Variants in PHRF1 observed in about 807,000 individuals in gnomAD.
PHRF1 encodes PHD and ring finger domains 1.
A neutral mutation model predicts 128.9 loss-of-function variants in PHRF1; 53 were observed. The ratio of observed to expected loss-of-function variants is 0.41; its 90% CI spans 0.33 to 0.52. PHRF1 has a LOEUF of 0.52. PHRF1 is among the 20% of genes least tolerant of loss of function. The pLI, the probability that PHRF1 is intolerant of heterozygous loss-of-function variation, is 0.21. For synonymous variants in PHRF1, 1,178 were observed against 980.6 expected (o/e 1.20, Z -3.76); for missense variants, 2,503 against 2,284.5 (o/e 1.10, Z -1.95).
rs370766202 is a variant in PHRF1, at chr11:608,802, T to C, written c.3346T>C (p.Ser1116Pro). The C allele has an allele frequency of 1.8e-5, 29 of 1,611,562 alleles. No homozygotes were observed. The highest frequency in any genetic ancestry group is 2.3e-5 in the Non-Finnish European group (27 of 1,179,708). Residue 1116 changes from serine to proline, a missense_variant, in exon 14 of 18, where the codon TCC becomes CCC. By Grantham distance (74) the Ser-to-Pro change is moderately conservative. Coordinates refer to ENST00000264555, the MANE Select transcript of PHRF1 (RefSeq NM_001286581.2). ...GAAGAAGAAGAAAAGGAGATCAGCG[T>C]CCAGACCTCGGGGAAGGGAGTGCTC... ...SRKKKKRRSASRPRGRECSPT... is the reference protein window; with the variant it reads ...SRKKKKRRSAPRPRGRECSPT...
At position 597,556 on chromosome 11, in the gene PHRF1, G is replaced by A. The variant is rs1438193715; in HGVS notation, c.880G>A (p.Ala294Thr). 7.4e-6 allele frequency: 12 copies of A among 1,611,348 alleles called. No individual in the cohort carries two copies. Among genetic ancestry groups the A allele is most frequent in the Non-Finnish European group, 1.0e-5 (12 of 1,179,250 alleles). ...CGTGAACCGGAACCGGATCTCCACGGCCAGGAGGGTCCAGGTGGGTGGCCC... is the reference window on the plus strand; with the variant it reads ...CGTGAACCGGAACCGGATCTCCACGACCAGGAGGGTCCAGGTGGGTGGCCC... ...ATVNRNRIST[A>T]RRVQHTPGRL... Residue 294 changes from alanine (A) to threonine (T), a missense_variant, in exon 8 of 18, where the codon GCC becomes ACC. Ala to Thr is a moderately conservative substitution (Grantham distance 58). Transcript: ENST00000264555. The surrounding 1 kb of genome is among the most constrained non-coding windows in gnomAD (Gnocchi z 6.5).
intron 3 of PHRF1, among the ~76,000 whole-genome samples, chr11:584,001 C>G (rs531709180): frequency 6.6e-6 from 1 of 152,372 alleles, no homozygotes; most frequent in Non-Finnish European, 1.5e-5. Flanking sequence ...AGCAGTCTTT[C>G]TGCATAGCCC....
At chr11:611,106 G>A (rs1007573123) in intron 17 of PHRF1, 24 bp downstream of exon 17, 1 of 1,611,732 alleles carries the variant, frequency 6.2e-7, no homozygotes, top group Non-Finnish European at 8.5e-7. Flanking sequence ...GAGCCTGTGT[G>A]TGGGGCTCGG....
rs765873925 is a variant in PHRF1, at chr11:606,490, A to G, written c.1503A>G (p.Pro501=). Residue 501 remains proline (P), a synonymous_variant, in exon 13 of 18, where the codon CCA becomes CCG. Transcript: ENST00000264555. The stretch of plus-strand genomic sequence containing the variant: ...CAGAGCCAGACTTGGAGGAGGAGCC[A>G]GTGCCTGACCTGCTGGGCAGCATCC... ...AVPEPDLEEE[P]VPDLLGSILS... 5 of 1,599,730 alleles carry G rather than the reference A, an allele frequency of 3.1e-6. No individual in the cohort carries two copies. The highest frequency in any genetic ancestry group is 1.1e-5 in the South Asian group (1 of 88,964).
In PHRF1 at chr11:611,854, G is replaced by T. The variant is rs1397053001; in HGVS notation, c.*77G>T. ...CGGGGCCATGCCCGGGGAGCTGTCG[G>T]GAGTGGCGGGAATCGGGGCCATGCC... is the stretch of plus-strand genomic sequence containing the variant. On this transcript the variant is annotated 3_prime_UTR_variant, in exon 18 of 18. Coordinates refer to ENST00000264555, the MANE Select transcript of PHRF1 (RefSeq NM_001286581.2). The T allele has an allele frequency of 6.6e-7, 1 of 1,511,224 alleles. No individual in the cohort carries two copies. Among genetic ancestry groups the T allele is most frequent in the African/African-American group, 1.4e-5 (1 of 71,930 alleles). 93.6% of individuals were successfully genotyped at this position (1,511,224 alleles called of 1,614,324 possible). A position where few individuals can be genotyped will look rare whatever the true frequency, so the allele number is the denominator to read the frequency against.
chr11:581,800 A>G (rs945671949), intron 2 of PHRF1, among the ~76,000 whole-genome samples, 162 bp from the exon 3 acceptor site: 1 of 152,266 alleles, frequency 6.6e-6, no homozygotes, highest in African/African-American at 2.4e-5. Context: ...GAACGAAAGG[A>G]TGTTCCCTTT....
At chr11:602,205 TC>T (rs1379861418) in intron 10 of PHRF1, among the ~76,000 whole-genome samples, 1 of 152,228 alleles carries the variant, frequency 6.6e-6, no homozygotes, top group Non-Finnish European at 1.5e-5. Context: ...CTAGGCCCTT[TC>T]CATCCAAAAT....
chr11:604,792 G>A (rs1855845192), intron 10 of PHRF1, among the ~76,000 whole-genome samples: 1 of 152,220 alleles, frequency 6.6e-6, no homozygotes, highest in Non-Finnish European at 1.5e-5. Flanking sequence ...GATTACAGAT[G>A]TGAGCCATCA....
chr11:586,511 G>A (rs1269543857), intron 3 of PHRF1, among the ~76,000 whole-genome samples: 1 of 152,194 alleles, frequency 6.6e-6, no homozygotes, highest in African/African-American at 2.4e-5. Context: ...GGAGGGTTTC[G>A]GGCCTAGGAG....
intron 9 of PHRF1, 52 bp downstream of exon 9, chr11:598,554 C>T (rs369595775): frequency 1.3e-6 from 2 of 1,561,562 alleles, no homozygotes; most frequent in South Asian, 1.2e-5. Context: ...GGACCCACGC[C>T]CGAGGTCCAC....
At chr11:577,589 T>C (rs1026955573) in intron 1 of PHRF1, among the ~76,000 whole-genome samples, 4 of 152,256 alleles carry the variant, frequency 2.6e-5, no homozygotes, top group Non-Finnish European at 5.9e-5. Context: ...CAGGGCTGTG[T>C]TTATCTCAGG....
chr11:583,535 C>T (rs1415785698), intron 3 of PHRF1, among the ~76,000 whole-genome samples: 3 of 152,148 alleles, frequency 2.0e-5, no homozygotes, highest in Non-Finnish European at 4.4e-5. Context: ...AAAAAATTCT[C>T]AGCTCACTTA....
intron 4 of PHRF1, among the ~76,000 whole-genome samples, chr11:589,607 G>C (rs1366974882): frequency 2.0e-5 from 3 of 152,248 alleles, no homozygotes; most frequent in African/African-American, 4.8e-5. Context: ...GGGCAGGTCA[G>C]CTGGGGGCTG....
intron 3 of PHRF1, among the ~76,000 whole-genome samples, chr11:583,970 T>G (rs1854370331): frequency 6.6e-6 from 1 of 152,232 alleles, no homozygotes; most frequent in Non-Finnish European, 1.5e-5. Context: ...GGTCCTCAAG[T>G]GGCTACTGTG....
chr11:611,237 G>A (rs1201673166), intron 17 of PHRF1, among the ~76,000 whole-genome samples, 155 bp downstream of exon 17: 1 of 152,192 alleles, frequency 6.6e-6, no homozygotes, highest in South Asian at 2.1e-4. Flanking sequence ...CATCCTGTAG[G>A]CCTGGGGTCA....
chr11:610,525 GC>G lies in PHRF1; in HGVS notation c.4445del (p.Pro1482ArgfsTer28). 1 of 1,604,688 alleles carries G rather than the reference GC, an allele frequency of 6.2e-7. No homozygotes were observed. ...GGTTTACAGCCCCGGCCTGCCGCCT[GC>G]CCCGGCCCAGCCCTCAAGCATCCCA... ...SQVYSPGLPP[A>X]PAQPSSIPPC... is the part of the protein sequence containing the mutation. On this transcript the variant is annotated frameshift_variant, in exon 16 of 18. Transcript: ENST00000264555. LOFTEE classifies it high-confidence loss of function.
chr11:605,148 G>A lies in PHRF1; in HGVS notation c.1182G>A (p.Ala394=), dbSNP rs764761550. The A allele has an allele frequency of 1.9e-5, 31 of 1,612,548 alleles. No homozygotes were observed. Among genetic ancestry groups the A allele is most frequent in the African/African-American group, 1.2e-4 (9 of 74,902 alleles). ...AAGCCACCACTCGCTCTCGAATCGC[G>A]CGGACGCTGGGCCTGCGCAGGCCTG... ...KSEATTRSRI[A]RTLGLRRPVH... is the part of the protein sequence containing the mutation. Residue 394 remains alanine (A), a synonymous_variant, in exon 11 of 18, where the codon GCG becomes GCA. Coordinates refer to ENST00000264555, the MANE Select transcript of PHRF1 (RefSeq NM_001286581.2).
At chr11:577,676 C>A (rs771079739) in intron 1 of PHRF1, among the ~76,000 whole-genome samples, 1 of 152,254 alleles carries the variant, frequency 6.6e-6, no homozygotes, top group Non-Finnish European at 1.5e-5. Context: ...CTAGCTGATA[C>A]AGCAGATGGT....
Position 605,594 on chromosome 11 carries a change from C to T in PHRF1, c.1335-11C>T. 6.2e-7 allele frequency: 1 copy of T among 1,612,598 alleles called. No individual in the cohort carries two copies. The highest frequency in any genetic ancestry group is 1.1e-5 in the South Asian group (1 of 90,872). ...TCACTTGTTCCCTTTGGCCTGTGTCCTCCCCTCTAGCAGTGAAGAGCTTTC... is the reference window on the plus strand; with the variant it reads ...TCACTTGTTCCCTTTGGCCTGTGTCTTCCCCTCTAGCAGTGAAGAGCTTTC... On this transcript the variant is annotated splice_polypyrimidine_tract_variant and intron_variant, in intron 11 of 17. Transcript: ENST00000264555.
Sources: gnomAD v4.1 joint callset for allele counts (sites outside exome capture counted in the v4.1 genomes callset) on GRCh38, gnomAD v4.1.1 for gene constraint, Gnocchi (gnomAD v3.1) non-coding constraint, MANE v1.5 for transcripts, NCBI Gene and HGNC (gene_info 2026-07-23, HGNC 2026-07-21) for gene names.